SCFD2: variants seen among roughly 807,000 people sequenced by gnomAD.
The protein encoded by SCFD2 is sec1 family domain containing 2, also known as sec1 family domain-containing protein 2.
A neutral mutation model predicts 58.9 loss-of-function variants in SCFD2; 54 were observed. The observed-to-expected ratio is 0.92, with a 90% CI of 0.74 to 1.15. The LOEUF is 1.15. SCFD2 is among the 50% of genes most tolerant of loss of function. The pLI, the probability that SCFD2 is intolerant of heterozygous loss-of-function variation, is 0.00. For synonymous variants in SCFD2, 321 were observed against 335.9 expected (o/e 0.96, Z 0.49); for missense variants, 805 against 836.6 (o/e 0.96, Z 0.47).
intron 5 of SCFD2, among the ~76,000 whole-genome samples, chr4:53,059,995 C>T (rs1326360014): frequency 6.6e-6 from 1 of 152,058 alleles, no homozygotes; most frequent in Non-Finnish European, 1.5e-5. Flanking sequence ...AATAGAATCT[C>T]ACATTGAAAA....
intron 5 of SCFD2, among the ~76,000 whole-genome samples, chr4:53,129,497 A>C (rs1032004219): frequency 1.2e-4 from 18 of 152,326 alleles, no homozygotes; most frequent in African/African-American, 4.1e-4. Flanking sequence ...GGCTTTAAAA[A>C]TGTTAATCTT....
At chr4:53,038,299 GC>G (rs1722813362) in intron 5 of SCFD2, among the ~76,000 whole-genome samples, 1 of 152,136 alleles carries the variant, frequency 6.6e-6, no homozygotes, top group South Asian at 2.1e-4. Context: ...CCTGGAGTTG[GC>G]AAATCCTTTC....
intron 2 of SCFD2, among the ~76,000 whole-genome samples, chr4:53,339,507 C>T (rs996620907): frequency 2.6e-5 from 4 of 152,036 alleles, no homozygotes; most frequent in East Asian, 1.9e-4. Flanking sequence ...TGGTGGCTCA[C>T]GCCTGTAATC....
chr4:52,939,356 C>G (rs1034920589), intron 5 of SCFD2, among the ~76,000 whole-genome samples: 1 of 152,108 alleles, frequency 6.6e-6, no homozygotes, highest in Non-Finnish European at 1.5e-5. Context: ...TCTATGGAAA[C>G]TGATGTTCAG....
intron 4 of SCFD2, among the ~76,000 whole-genome samples, chr4:53,176,170 AAC>A (rs1727322102): frequency 6.6e-6 from 1 of 152,362 alleles, no homozygotes; most frequent in Non-Finnish European, 1.5e-5. Context: ...TCAATTAAAT[AAC>A]AGTCAAACCA....
At chr4:53,236,817 TTTA>T (rs1169579030) in intron 4 of SCFD2, among the ~76,000 whole-genome samples, 2,004 of 105,752 alleles carry the variant, frequency 0.019, 39 homozygotes, top group African/African-American at 0.07. Flanking sequence ...GTTTTATTTA[TTTA>T]TTTATTTATT....
intron 5 of SCFD2, among the ~76,000 whole-genome samples, chr4:53,122,949 G>A (rs1024509273): frequency 3.4e-5 from 5 of 148,614 alleles, no homozygotes; most frequent in Non-Finnish European, 7.5e-5. Flanking sequence ...TAAACTTATG[G>A]CTTATTCATA....
At chr4:53,242,651 T>C (rs1729936534) in intron 4 of SCFD2, among the ~76,000 whole-genome samples, 1 of 152,102 alleles carries the variant, frequency 6.6e-6, no homozygotes, top group African/African-American at 2.4e-5. Flanking sequence ...ATAACAGAAA[T>C]ATAATTCAGA....
At chr4:53,343,480 A>C (rs1733951842) in intron 2 of SCFD2, among the ~76,000 whole-genome samples, 1 of 152,326 alleles carries the variant, frequency 6.6e-6, no homozygotes, top group South Asian at 2.1e-4. Flanking sequence ...CCACCAAAAA[A>C]AGTCCAGGAC....
chr4:53,232,441 A>G (rs1284293169), intron 4 of SCFD2, among the ~76,000 whole-genome samples: 1 of 152,168 alleles, frequency 6.6e-6, no homozygotes, highest in Non-Finnish European at 1.5e-5. Context: ...TTACAAAATC[A>G]GGAGACAAAA....
At chr4:53,179,995 A>G (rs1447160100) in intron 4 of SCFD2, among the ~76,000 whole-genome samples, 1 of 152,232 alleles carries the variant, frequency 6.6e-6, no homozygotes, top group Non-Finnish European at 1.5e-5. Flanking sequence ...ATCCAGATTC[A>G]TAAAGCGAGT....
intron 5 of SCFD2, among the ~76,000 whole-genome samples, chr4:53,126,902 T>A (rs1489600080): frequency 6.6e-6 from 1 of 152,072 alleles, no homozygotes; most frequent in Non-Finnish European, 1.5e-5. Context: ...ACCAGAGGAT[T>A]AAAAGATGGG....
chr4:52,963,017 G>C (rs1047289260), intron 5 of SCFD2, among the ~76,000 whole-genome samples: 1 of 152,164 alleles, frequency 6.6e-6, no homozygotes, highest in Non-Finnish European at 1.5e-5. Context: ...TGACTTACTT[G>C]TATATAAGCT....
chr4:53,328,687 T>A (rs556698209), intron 2 of SCFD2, among the ~76,000 whole-genome samples: 1 of 152,062 alleles, frequency 6.6e-6, no homozygotes, highest in Non-Finnish European at 1.5e-5. Context: ...ATTGGAAAAA[T>A]CACTATTATC....
At chr4:53,133,114 G>T (rs1480462567) in intron 5 of SCFD2, among the ~76,000 whole-genome samples, 4 of 151,996 alleles carry the variant, frequency 2.6e-5, no homozygotes, top group Non-Finnish European at 5.9e-5. Flanking sequence ...GGATCACAAG[G>T]TCAGGAGATC....
chr4:53,301,911 C>T (rs986880766), intron 3 of SCFD2, among the ~76,000 whole-genome samples: 2 of 152,144 alleles, frequency 1.3e-5, no homozygotes, highest in Non-Finnish European at 2.9e-5. Context: ...ACCCTCCATG[C>T]TAAAAACTCT....
chr4:53,014,553 T>G (rs1264203775), intron 5 of SCFD2, among the ~76,000 whole-genome samples: 2 of 152,208 alleles, frequency 1.3e-5, no homozygotes, highest in Non-Finnish European at 2.9e-5. Context: ...TTCAGCTTAT[T>G]CAGCATTTAT....
chr4:52,956,557 G>T (rs1720718585), intron 5 of SCFD2: 1 of 237,812 alleles, frequency 4.2e-6, no homozygotes. Context: ...GCAGATTGGT[G>T]CCTTCCTTGC....
At chr4:53,261,303 G>A (rs760183073) in intron 4 of SCFD2, among the ~76,000 whole-genome samples, 35 of 152,126 alleles carry the variant, frequency 2.3e-4, no homozygotes, top group Non-Finnish European at 4.9e-4. Flanking sequence ...TGCTTCTGTA[G>A]TTTCTTGAGA....
Sources: gnomAD v4.1 joint callset for allele counts (sites outside exome capture counted in the v4.1 genomes callset) on GRCh38, gnomAD v4.1.1 for gene constraint, MANE v1.5 for transcripts, NCBI Gene and HGNC (gene_info 2026-07-23, HGNC 2026-07-21) for gene names.